RBM26: variants seen among roughly 807,000 people sequenced by gnomAD.
RBM26 encodes RNA-binding protein 26.
RBM26 carries 30 observed loss-of-function variants against 123.6 expected under a neutral mutation model. The observed-to-expected ratio is 0.24, with a 90% CI of 0.18 to 0.33. The LOEUF (loss-of-function observed/expected upper bound fraction) is 0.33, where lower values mean the gene tolerates loss of function less well. Ranked by LOEUF, RBM26 falls within the 10% of genes least tolerant of loss-of-function variation. The pLI, the probability that RBM26 is intolerant of heterozygous loss-of-function variation, is 1.00. For missense variants in RBM26, 947 were observed against 1,203.6 expected, an observed-to-expected ratio of 0.79 and a Z score of 3.15; for synonymous variants, 400 against 404.4, an observed-to-expected ratio of 0.99 and a Z score of 0.13.
At chr13:79,393,305 T>A (rs1322954273) in intron 1 of RBM26, among the ~76,000 whole-genome samples, 1 of 152,194 alleles carries the variant, frequency 6.6e-6, no homozygotes, top group Non-Finnish European at 1.5e-5. Context: ...TTCAAAAACC[T>A]GGAACCAGGG....
chr13:79,405,795 G>C lies in RBM26; in HGVS notation c.-21C>G. The stretch of plus-strand genomic sequence containing the variant: ...ACCATCCACAGCGGCCCTAAGGCCC[G>C]TCACACTCCTCCGCCCGCCCAGGTC... On this transcript the variant is annotated 5_prime_UTR_variant, in exon 1 of 22. Transcript: ENST00000438737. 6.7e-7 allele frequency: 1 copy of C among 1,497,148 alleles called. No homozygotes were observed. The highest frequency in any genetic ancestry group is 1.3e-5 in the South Asian group (1 of 79,076). 92.7% of individuals were successfully genotyped at this position (1,497,148 alleles called of 1,614,324 possible).
chr13:79,395,112 C>A (rs553328084), intron 1 of RBM26, among the ~76,000 whole-genome samples: 4 of 152,182 alleles, frequency 2.6e-5, no homozygotes, highest in African/African-American at 9.7e-5. Context: ...ATCTTATTTA[C>A]TTCAGTCTCT....
chr13:79,357,125 G>A (rs1470180402), intron 11 of RBM26, among the ~76,000 whole-genome samples: 2 of 152,126 alleles, frequency 1.3e-5, no homozygotes, highest in Non-Finnish European at 2.9e-5. Flanking sequence ...TAACAATAAT[G>A]TAATTATAGA....
chr13:79,327,475 TA>T lies in RBM26; in HGVS notation c.2821-5014del, dbSNP rs148690628. 6.8e-3 allele frequency among the ~76,000 whole-genome samples: 1,035 copies of T among 152,048 alleles called. 17 individuals are homozygous for T. Among genetic ancestry groups the T allele is most frequent in the African/African-American group, 0.023 (955 of 41,458 alleles). ...GATGTTTTTAACATTTTTCTAAAGG[TA>T]AACGATGAAATAACAGAAAGTAGTA... On this transcript the variant is annotated intron_variant, in intron 20 of 21. Coordinates refer to ENST00000438737, the MANE Select transcript of RBM26 (RefSeq NM_001366735.2).
chr13:79,337,856 T>C (rs1303340078), intron 18 of RBM26, among the ~76,000 whole-genome samples: 1 of 152,206 alleles, frequency 6.6e-6, no homozygotes, highest in Non-Finnish European at 1.5e-5. Context: ...AAATACTTAA[T>C]GTGCACTTTC....
intron 1 of RBM26, among the ~76,000 whole-genome samples, chr13:79,385,131 A>G (rs2077375870): frequency 6.6e-6 from 1 of 152,172 alleles, no homozygotes; most frequent in South Asian, 2.1e-4. Flanking sequence ...AAAAATATCT[A>G]ATTTGCATCA....
intron 17 of RBM26, among the ~76,000 whole-genome samples, chr13:79,341,563 A>G (rs996287254): frequency 2.0e-5 from 3 of 151,880 alleles, no homozygotes; most frequent in Non-Finnish European, 4.4e-5. Context: ...AGCAATACAG[A>G]GTATGTTTTT....
chr13:79,344,235 T>G lies in RBM26; in HGVS notation c.2259+13A>C, dbSNP rs1002473507. The G allele has an allele frequency of 3.2e-6, 5 of 1,564,574 alleles. No individual in the cohort carries two copies. Among genetic ancestry groups the G allele is most frequent in the Non-Finnish European group, 3.5e-6 (4 of 1,135,236 alleles). ...CATTTGCAATTTGGCCAAATCTAACTTTAACATTTTACCTTCTGTGTTTCA... is the reference window on the plus strand; with the variant it reads ...CATTTGCAATTTGGCCAAATCTAACGTTAACATTTTACCTTCTGTGTTTCA... On this transcript the variant is annotated intron_variant, in intron 16 of 21. Coordinates refer to ENST00000438737, the MANE Select transcript of RBM26 (RefSeq NM_001366735.2).
intron 10 of RBM26, among the ~76,000 whole-genome samples, chr13:79,359,168 C>A (rs2074368971): frequency 6.6e-6 from 1 of 152,156 alleles, no homozygotes; most frequent in Non-Finnish European, 1.5e-5. Flanking sequence ...GCCTCTCCAA[C>A]CCCCACAAAA....
Position 79,344,668 on chromosome 13 carries a change from C to T in RBM26, c.2184+1G>A. The T allele has an allele frequency of 6.2e-7, 1 of 1,610,264 alleles. No individual in the cohort carries two copies. The highest frequency in any genetic ancestry group is 8.5e-7 in the Non-Finnish European group (1 of 1,178,550). ...TTTTATACTATACCAGTTGTACTTA[C>T]CTGTTTTTTTTTCTGTGCTTCATTA... On this transcript the variant is annotated splice_donor_variant, in intron 15 of 21. Transcript: ENST00000438737. LOFTEE classifies it high-confidence loss of function.
intron 1 of RBM26, among the ~76,000 whole-genome samples, chr13:79,404,198 C>A (rs2079306150): frequency 6.6e-6 from 1 of 152,232 alleles, no homozygotes; most frequent in African/African-American, 2.4e-5. Flanking sequence ...CACTTTCCTT[C>A]TCCCCTTAAC....
intron 13 of RBM26, 143 bp downstream of exon 13, chr13:79,354,296 C>G: frequency 2.0e-6 from 1 of 500,222 alleles, no homozygotes; most frequent in East Asian, 4.3e-5. Context: ...AAAAAAAAAA[C>G]AACCTTATAG....
chr13:79,376,091 G>C (rs186852563), intron 3 of RBM26: 2 of 152,248 alleles, frequency 1.3e-5, no homozygotes, highest in East Asian at 3.9e-4. Context: ...ACAAACCAGT[G>C]ATTTGTAGAA....
chr13:79,391,923 G>A (rs1411492505), intron 1 of RBM26, among the ~76,000 whole-genome samples: 3 of 145,472 alleles, frequency 2.1e-5, no homozygotes, highest in East Asian at 2.0e-4. Flanking sequence ...TATATAATAC[G>A]TAACACTATA....
chr13:79,337,743 A>AT (rs1364478568), intron 18 of RBM26, among the ~76,000 whole-genome samples: 1 of 152,212 alleles, frequency 6.6e-6, no homozygotes. Flanking sequence ...ATCTCAAATC[A>AT]TTTTAATTAC....
At chr13:79,332,554 T>TA (rs1021143665) in intron 20 of RBM26, among the ~76,000 whole-genome samples, 7 of 152,180 alleles carry the variant, frequency 4.6e-5, no homozygotes, top group African/African-American at 1.4e-4. Context: ...CTTTTGTAAC[T>TA]AAAAATCTAA....
intron 11 of RBM26, among the ~76,000 whole-genome samples, chr13:79,356,512 G>C (rs1398918407): frequency 6.6e-6 from 1 of 151,720 alleles, no homozygotes; most frequent in Non-Finnish European, 1.5e-5. Flanking sequence ...CTACAAATGA[G>C]AATAACCATA....
exon 5 of RBM26, chr13:79,312,945 A>AT (rs2066935554): frequency 1.3e-5 from 2 of 151,892 alleles, no homozygotes; most frequent in African/African-American, 4.8e-5. Context: ...TTAAAGTATG[A>AT]TTTATCTTGT....
intron 15 of RBM26, 122 bp downstream of exon 15, chr13:79,344,547 G>A (rs905537752): frequency 3.3e-5 from 31 of 933,960 alleles, no homozygotes; most frequent in East Asian, 1.5e-4. Flanking sequence ...GAAAATAAAC[G>A]TTCAGTGGCA....
Sources: allele counts gnomAD v4.1 joint callset (sites outside exome capture counted in the v4.1 genomes callset), GRCh38; gene constraint gnomAD v4.1.1; transcripts MANE v1.5; gene names NCBI Gene and HGNC (gene_info 2026-07-23, HGNC 2026-07-21).